PCSK6: variants seen among roughly 807,000 people sequenced by gnomAD.
PCSK6 encodes paired basic amino acid cleaving enzyme 4.
A neutral mutation model predicts 123.3 loss-of-function variants in PCSK6; 85 were observed. The observed-to-expected ratio is 0.69, with a 90% CI of 0.58 to 0.83. The LOEUF is 0.83. Ranked by LOEUF, PCSK6 falls within the 40% of genes least tolerant of loss-of-function variation. The pLI is 0.00. For synonymous variants in PCSK6, 508 were observed against 516.0 expected (o/e 0.98, Z 0.21); for missense variants, 1,191 against 1,282.3 (o/e 0.93, Z 1.09).
intron 6 of PCSK6, among the ~76,000 whole-genome samples, chr15:101,426,222 G>C (rs908113564): frequency 1.3e-5 from 2 of 152,216 alleles, no homozygotes; most frequent in Admixed American, 1.3e-4. Flanking sequence ...CAAGCCGATG[G>C]TTTCACACAT....
chr15:101,458,572 C>T (rs924079666), intron 1 of PCSK6, among the ~76,000 whole-genome samples: 9 of 152,094 alleles, frequency 5.9e-5, no homozygotes, highest in Admixed American at 5.2e-4. Context: ...GGGACTGTGC[C>T]TCACTCTCCC....
rs368172572 is a variant in PCSK6, at chr15:101,400,421, G to A, written c.824-1845C>T. 1.3e-3 allele frequency among the ~76,000 whole-genome samples: 197 copies of A among 152,294 alleles called. 1 individual carries two copies. The highest frequency in any genetic ancestry group is 4.6e-3 in the African/African-American group (190 of 41,558). ...CCCCACCTTACCCATACTAGTCTGCGCCTGTTTGTTCTACATTCCAGAATC... is the reference window on the plus strand; with the variant it reads ...CCCCACCTTACCCATACTAGTCTGCACCTGTTTGTTCTACATTCCAGAATC... On this transcript the variant is annotated intron_variant, in intron 6 of 21. Transcript: ENST00000611716.
intron 1 of PCSK6, among the ~76,000 whole-genome samples, chr15:101,475,687 T>C (rs1435019079): frequency 2.0e-5 from 3 of 149,882 alleles, no homozygotes; most frequent in Non-Finnish European, 3.0e-5. Context: ...GTCAGGAACT[T>C]GCCATCTTGC....
chr15:101,485,399 G>T (rs2057996806), intron 1 of PCSK6, among the ~76,000 whole-genome samples: 1 of 152,050 alleles, frequency 6.6e-6, no homozygotes, highest in Non-Finnish European at 1.5e-5. Context: ...AACTCTGTTA[G>T]GATGCCTTTG....
Position 101,486,505 on chromosome 15 carries a change from T to C in PCSK6, c.297+2869A>G, listed in dbSNP as rs188808169. Among the ~76,000 whole-genome samples the C allele has an allele frequency of 2.1e-3, 326 of 152,340 alleles. 1 individual carries two copies. Among genetic ancestry groups the C allele is most frequent in the African/African-American group, 7.4e-3 (308 of 41,572 alleles). Reference sequence around the variant, plus strand: ...TTATGTCATCTGCCGATAATGACATTGGACACTTCCACATTTTTATTCCCT... The same window carrying C: ...TTATGTCATCTGCCGATAATGACATCGGACACTTCCACATTTTTATTCCCT... On this transcript the variant is annotated intron_variant, in intron 1 of 21. Transcript: ENST00000611716.
At chr15:101,465,929 G>C (rs1217761284) in intron 1 of PCSK6, among the ~76,000 whole-genome samples, 2 of 152,088 alleles carry the variant, frequency 1.3e-5, no homozygotes, top group African/African-American at 2.4e-5. Flanking sequence ...AGGGGCAGGG[G>C]TGCGGAGAAC....
At chr15:101,475,400 G>T (rs1478472250) in intron 1 of PCSK6, among the ~76,000 whole-genome samples, 3 of 152,032 alleles carry the variant, frequency 2.0e-5, no homozygotes, top group Non-Finnish European at 2.9e-5. Context: ...AAGACAAACA[G>T]CCCCACTGAA....
chr15:101,482,464 G>A (rs969267455), intron 1 of PCSK6, among the ~76,000 whole-genome samples: 2 of 152,170 alleles, frequency 1.3e-5, no homozygotes, highest in Non-Finnish European at 2.9e-5. Flanking sequence ...GAGAGGTGTC[G>A]GCAGCCTGGC....
At chr15:101,410,610 C>T (rs1304835322) in intron 6 of PCSK6, among the ~76,000 whole-genome samples, 1 of 152,180 alleles carries the variant, frequency 6.6e-6, no homozygotes, top group African/African-American at 2.4e-5. Flanking sequence ...AGAATTCAGT[C>T]AAGAAGTATA....
chr15:101,323,731 G>GA (rs11404372), intron 17 of PCSK6, among the ~76,000 whole-genome samples: 84,776 of 127,954 alleles, frequency 0.66, 28,113 homozygotes, highest in Admixed American at 0.73. Flanking sequence ...ACTCCATCTC[G>GA]AAAAAAAAAA....
chr15:101,358,403 T>G (rs1180055999), intron 13 of PCSK6, among the ~76,000 whole-genome samples: 4 of 152,078 alleles, frequency 2.6e-5, no homozygotes, highest in Admixed American at 2.0e-4. Flanking sequence ...CGGAAATCCC[T>G]GTTTGCTCCA....
intron 6 of PCSK6, among the ~76,000 whole-genome samples, chr15:101,426,162 G>A (rs1386443568): frequency 1.3e-5 from 2 of 152,216 alleles, no homozygotes; most frequent in Non-Finnish European, 2.9e-5. Flanking sequence ...CCCACTGAGA[G>A]TCTCAGCAAG....
chr15:101,423,537 C>T (rs148752191), intron 6 of PCSK6, among the ~76,000 whole-genome samples: 1 of 152,122 alleles, frequency 6.6e-6, no homozygotes, highest in Non-Finnish European at 1.5e-5. Flanking sequence ...GCTGAGATTA[C>T]AGGTGTGAGC....
At chr15:101,456,940 G>C (rs1469001337) in intron 1 of PCSK6, among the ~76,000 whole-genome samples, 2 of 152,086 alleles carry the variant, frequency 1.3e-5, no homozygotes, top group Non-Finnish European at 2.9e-5. Context: ...ACTTTGGGAG[G>C]CCAAGCAGAT....
At chr15:101,482,570 T>G (rs2057916041) in intron 1 of PCSK6, among the ~76,000 whole-genome samples, 3 of 152,150 alleles carry the variant, frequency 2.0e-5, no homozygotes, top group Non-Finnish European at 4.4e-5. Context: ...CCAGCCGGCA[T>G]GCAGTTGGCG....
At chr15:101,406,760 T>C (rs2141604914) in intron 6 of PCSK6, among the ~76,000 whole-genome samples, 1 of 152,160 alleles carries the variant, frequency 6.6e-6, no homozygotes, top group East Asian at 1.9e-4. Flanking sequence ...CATCGTGACA[T>C]GAAGTGTGTG....
intron 13 of PCSK6, among the ~76,000 whole-genome samples, chr15:101,336,523 G>A (rs778121902): frequency 2.0e-5 from 3 of 152,264 alleles, no homozygotes; most frequent in South Asian, 2.1e-4. Flanking sequence ...GGTTAACGTC[G>A]CATTTCTCTC....
chr15:101,438,715 T>C (rs1050871425), intron 2 of PCSK6, among the ~76,000 whole-genome samples: 2 of 152,240 alleles, frequency 1.3e-5, no homozygotes, highest in Non-Finnish European at 2.9e-5. Context: ...CGACTCTGTC[T>C]GTCCCTGACA....
At chr15:101,481,682 G>A (rs1452410049) in intron 1 of PCSK6, among the ~76,000 whole-genome samples, 1 of 152,154 alleles carries the variant, frequency 6.6e-6, no homozygotes, top group East Asian at 1.9e-4. Flanking sequence ...AGGAGGAGGC[G>A]ATGGTGACCT....
Sources: allele counts gnomAD v4.1 joint callset (sites outside exome capture counted in the v4.1 genomes callset), GRCh38; gene constraint gnomAD v4.1.1; transcripts MANE v1.5; gene names NCBI Gene and HGNC (gene_info 2026-07-23, HGNC 2026-07-21).